The following ERBB4 variants were observed in gnomAD, a reference collection of about 807,000 sequenced individuals.
ERBB4 encodes receptor tyrosine-protein kinase erbB-4.
In ERBB4, 42 loss-of-function variants were observed where a neutral mutation model predicts 158.0. That is an observed-to-expected ratio of 0.27 (90% CI 0.21 to 0.34). ERBB4 has a LOEUF of 0.34. ERBB4 is among the 10% of genes least tolerant of loss of function. The pLI is 1.00. For synonymous variants in ERBB4, 583 were observed against 558.7 expected, an observed-to-expected ratio of 1.04 and a Z score of -0.61; for missense variants, 1,333 against 1,624.1, an observed-to-expected ratio of 0.82 and a Z score of 3.08.
chr2:212,150,217 G>T (rs140595268), intron 1 of ERBB4, among the ~76,000 whole-genome samples: 14 of 152,192 alleles, frequency 9.2e-5, no homozygotes, highest in South Asian at 2.1e-4. Flanking sequence ...CTCTAAGGGA[G>T]GATCTTTCTT....
intron 25 of ERBB4, among the ~76,000 whole-genome samples, chr2:211,403,643 A>G (rs2063089937): frequency 6.6e-6 from 1 of 152,142 alleles, no homozygotes; most frequent in African/African-American, 2.4e-5. Flanking sequence ...ATAGCTGCGT[A>G]TACATTTTGA....
At chr2:212,497,560 T>C (rs1372155213) in intron 1 of ERBB4, among the ~76,000 whole-genome samples, 1 of 152,168 alleles carries the variant, frequency 6.6e-6, no homozygotes, top group African/African-American at 2.4e-5. Context: ...ATGATGTAAG[T>C]TCTCTGGATG....
chr2:211,669,193 A>G (rs1164614070), intron 14 of ERBB4, among the ~76,000 whole-genome samples: 3 of 142,836 alleles, frequency 2.1e-5, no homozygotes, highest in African/African-American at 7.8e-5. Context: ...ACTGCACTAC[A>G]GTCTGGGCGA....
intron 3 of ERBB4, among the ~76,000 whole-genome samples, chr2:211,801,331 T>C (rs569107249): frequency 8.5e-5 from 13 of 152,284 alleles, no homozygotes; most frequent in South Asian, 8.3e-4. Flanking sequence ...CTGGATTAAA[T>C]ACCGCTCAAT....
chr2:211,930,775 T>C (rs187026295), intron 3 of ERBB4, among the ~76,000 whole-genome samples: 1 of 152,300 alleles, frequency 6.6e-6, no homozygotes, highest in Admixed American at 6.5e-5. Context: ...TATCAAAATA[T>C]TCTTAATGCA....
At chr2:211,518,341 T>C (rs1473639046) in intron 20 of ERBB4, among the ~76,000 whole-genome samples, 1 of 151,966 alleles carries the variant, frequency 6.6e-6, no homozygotes, top group African/African-American at 2.4e-5. Flanking sequence ...AAGTTTGTCA[T>C]TGAATTTGTG....
intron 1 of ERBB4, among the ~76,000 whole-genome samples, chr2:212,315,347 C>A (rs561410629): frequency 6.6e-6 from 1 of 151,318 alleles, no homozygotes; most frequent in Admixed American, 6.6e-5. Flanking sequence ...AAATGAGAAT[C>A]CAACACGTGG....
At chr2:212,009,920 C>T (rs1000682383) in intron 2 of ERBB4, among the ~76,000 whole-genome samples, 1 of 152,172 alleles carries the variant, frequency 6.6e-6, no homozygotes, top group African/African-American at 2.4e-5. Flanking sequence ...ACTCTCCTTC[C>T]TTGAGCCATA....
At chr2:212,054,641 G>A (rs2077498530) in intron 2 of ERBB4, among the ~76,000 whole-genome samples, 1 of 152,130 alleles carries the variant, frequency 6.6e-6, no homozygotes, top group African/African-American at 2.4e-5. Context: ...CCTCTCCAGT[G>A]CCAATCCTAG....
intron 4 of ERBB4, among the ~76,000 whole-genome samples, chr2:211,762,316 C>T (rs2075435508): frequency 6.6e-6 from 1 of 152,168 alleles, no homozygotes; most frequent in Admixed American, 6.5e-5. Context: ...CAGACAAAGA[C>T]AAGCGGGTTT....
intron 2 of ERBB4, among the ~76,000 whole-genome samples, chr2:211,955,368 AT>A (rs545168473): frequency 6.6e-6 from 1 of 151,602 alleles, no homozygotes; most frequent in East Asian, 1.9e-4. Context: ...AATTAACCAT[AT>A]TTTTTTTGTC....
intron 2 of ERBB4, among the ~76,000 whole-genome samples, chr2:212,011,626 T>C (rs1003840629): frequency 6.6e-6 from 1 of 151,902 alleles, no homozygotes. Context: ...GGTACATGTC[T>C]GTAATCCAAG....
chr2:211,596,236 A>C (rs2068626410), intron 19 of ERBB4, among the ~76,000 whole-genome samples: 1 of 152,154 alleles, frequency 6.6e-6, no homozygotes, highest in Non-Finnish European at 1.5e-5. Context: ...AAAAGTCTGA[A>C]TGCTTTGAAT....
intron 1 of ERBB4, among the ~76,000 whole-genome samples, chr2:212,184,385 C>T (rs1218747887): frequency 6.6e-6 from 1 of 151,976 alleles, no homozygotes; most frequent in African/African-American, 2.4e-5. Context: ...TATACGACAC[C>T]CTTTAATACT....
chr2:211,652,160 C>T (rs989860523), intron 16 of ERBB4, among the ~76,000 whole-genome samples: 1 of 152,138 alleles, frequency 6.6e-6, no homozygotes, highest in Non-Finnish European at 1.5e-5. Context: ...CAGTAATTAA[C>T]AACTGAGCTG....
At chr2:212,119,162 T>G (rs1337642946) in intron 2 of ERBB4, among the ~76,000 whole-genome samples, 1 of 152,116 alleles carries the variant, frequency 6.6e-6, no homozygotes, top group African/African-American at 2.4e-5. Flanking sequence ...ATGTATACTA[T>G]TTCTAAAATA....
chr2:211,814,101 A>T (rs1296801350), intron 3 of ERBB4, among the ~76,000 whole-genome samples: 3 of 152,166 alleles, frequency 2.0e-5, no homozygotes, highest in Non-Finnish European at 2.9e-5. Flanking sequence ...GTGAGTAAAA[A>T]ATTGAGACTA....
At chr2:211,783,382 T>A (rs1053461323) in intron 4 of ERBB4, among the ~76,000 whole-genome samples, 11 of 152,240 alleles carry the variant, frequency 7.2e-5, no homozygotes, top group African/African-American at 2.7e-4. Context: ...CTGATGGCCC[T>A]GGCCAGAACT....
chr2:211,676,576 AAAC>A (rs2072081061), intron 13 of ERBB4, among the ~76,000 whole-genome samples: 1 of 148,866 alleles, frequency 6.7e-6, no homozygotes, highest in Non-Finnish European at 1.5e-5. Context: ...AAAAACAAAC[AAAC>A]AAAAAATCAA....
Sources: allele counts gnomAD v4.1 joint callset (sites outside exome capture counted in the v4.1 genomes callset), GRCh38; gene constraint gnomAD v4.1.1; transcripts MANE v1.5; gene names NCBI Gene and HGNC (gene_info 2026-07-23, HGNC 2026-07-21).